LEMD3: variants seen among roughly 807,000 people sequenced by gnomAD.
LEMD3 encodes inner nuclear membrane protein Man1.
A neutral mutation model predicts 95.2 loss-of-function variants in LEMD3; 33 were observed. That is an observed-to-expected ratio of 0.35 (90% CI 0.26 to 0.46). The LOEUF (loss-of-function observed/expected upper bound fraction) is 0.46, where lower values mean the gene tolerates loss of function less well. Among genes scored for constraint, LEMD3 ranks in the 20% least tolerant of loss-of-function variants. The pLI is 1.00. For synonymous variants in LEMD3, 525 were observed against 474.6 expected (o/e 1.11, Z -1.38); for missense variants, 1,210 against 1,192.8 (o/e 1.01, Z -0.21).
intron 1 of LEMD3, among the ~76,000 whole-genome samples, chr12:65,181,286 AC>A (rs1283093609): frequency 5.3e-5 from 8 of 152,244 alleles, no homozygotes; most frequent in Non-Finnish European, 7.4e-5. Context: ...ATTTGAAGAA[AC>A]ATTAAGTTTC....
chr12:65,235,198 G>C (rs1870739241), intron 4 of LEMD3, among the ~76,000 whole-genome samples: 1 of 152,040 alleles, frequency 6.6e-6, no homozygotes, highest in African/African-American at 2.4e-5. Flanking sequence ...ACATTACAAA[G>C]AAGACTAAAT....
rs193083092 is a variant in LEMD3 at position 65,219,893 on chromosome 12, T to A, written c.1695+1274T>A. 2.4e-3 allele frequency among the ~76,000 whole-genome samples: 358 copies of A among 152,338 alleles called. 2 individuals are homozygous for A. The highest frequency in any genetic ancestry group is 8.2e-3 in the African/African-American group (342 of 41,580). The stretch of plus-strand genomic sequence containing the variant: ...ACATGACAGTACTTCCTTCATTTTT[T>A]AAGGCTGAGTAGAATTTCATTGTAT... On this transcript the variant is annotated intron_variant, in intron 4 of 12. Coordinates refer to ENST00000308330, the MANE Select transcript of LEMD3 (RefSeq NM_014319.5).
intron 1 of LEMD3, among the ~76,000 whole-genome samples, chr12:65,188,129 T>A (rs1592434667): frequency 1.3e-5 from 2 of 152,036 alleles, no homozygotes; most frequent in South Asian, 4.1e-4. Flanking sequence ...GCATTTAGAG[T>A]CTACAGTAGG....
At chr12:65,175,663 G>C (rs866849977) in intron 1 of LEMD3, among the ~76,000 whole-genome samples, 5 of 152,104 alleles carry the variant, frequency 3.3e-5, no homozygotes, top group Non-Finnish European at 5.9e-5. Flanking sequence ...TCCACAACTT[G>C]ATCTTTGGCT....
chr12:65,244,649 T>C (rs1040281504), intron 10 of LEMD3, among the ~76,000 whole-genome samples: 2 of 152,146 alleles, frequency 1.3e-5, no homozygotes, highest in Non-Finnish European at 2.9e-5. Flanking sequence ...TCATTACAAT[T>C]AAAGAAAATA....
In LEMD3 at chr12:65,169,987, G is replaced by A. The variant is rs1454800295; in HGVS notation, c.391G>A (p.Ala131Thr). The change falls in exon 1 of 13, where the codon GCT becomes ACT. Residue 131 changes from alanine (A) to threonine (T), a missense_variant. By Grantham distance (58) the Ala-to-Thr change is moderately conservative (BLOSUM62 0). This residue lies in a region of LEMD3 where 749 missense variants were observed against 622.9 expected (regional missense o/e 1.20). Transcript: ENST00000308330. ...GPGGASAAPA[A>T]GSKVLLGFSS... ...CGGGGGCGCCTCCGCCGCCCCCGCG[G>A]CTGGCAGCAAAGTGCTGCTGGGCTT... 27 of 1,473,626 alleles carry A rather than the reference G, an allele frequency of 1.8e-5. No individual in the cohort carries two copies. Among genetic ancestry groups the A allele is most frequent in the East Asian group, 2.6e-5 (1 of 38,080 alleles). 91.3% of individuals were successfully genotyped at this position (1,473,626 alleles called of 1,614,324 possible).
intron 1 of LEMD3, among the ~76,000 whole-genome samples, chr12:65,180,812 A>C (rs1868878324): frequency 6.6e-6 from 1 of 152,208 alleles, no homozygotes; most frequent in South Asian, 2.1e-4. Flanking sequence ...AAAACTATGC[A>C]AGAGTGTAGT....
chr12:65,209,153 A>G (rs1869853852), intron 1 of LEMD3, among the ~76,000 whole-genome samples: 1 of 152,170 alleles, frequency 6.6e-6, no homozygotes, highest in Non-Finnish European at 1.5e-5. Context: ...GCACATGTGT[A>G]TAACACACGC....
At chr12:65,229,499 A>G (rs139485462) in intron 4 of LEMD3, among the ~76,000 whole-genome samples, 2 of 152,282 alleles carry the variant, frequency 1.3e-5, no homozygotes, top group East Asian at 1.9e-4. Flanking sequence ...ATTCCCACCA[A>G]CAGTGGATAA....
At position 65,206,673 on chromosome 12, in the gene LEMD3, G is replaced by A. The variant is rs181159333; in HGVS notation, c.1523-4253G>A. Among the ~76,000 whole-genome samples, 10 of 152,054 alleles carry A rather than the reference G, an allele frequency of 6.6e-5. No individual in the cohort carries two copies. The East Asian group carries it at 1.7e-3, about 26-fold the overall frequency. ...GAATAATCATGTCCATGGAAATCAC[G>A]GGATACTTTATATTTTTATGTATCA... On this transcript the variant is annotated intron_variant, in intron 1 of 12. Transcript: ENST00000308330.
rs141028982 is a variant in LEMD3 at position 65,207,182 on chromosome 12, C to T, written c.1523-3744C>T. Among the ~76,000 whole-genome samples, 6 of 152,218 alleles carry T rather than the reference C, an allele frequency of 3.9e-5. No homozygotes were observed. In the East Asian group the frequency reaches 1.2e-3, roughly 29 times the overall value. On this transcript the variant is annotated intron_variant, in intron 1 of 12. Transcript: ENST00000308330. Reference sequence around the variant, plus strand: ...TTAGGAACTCAGTAAACATAATTTCCTTTTTATTCAACGGAGAGGGTTGTA... The same window carrying T: ...TTAGGAACTCAGTAAACATAATTTCTTTTTTATTCAACGGAGAGGGTTGTA...
intron 1 of LEMD3, among the ~76,000 whole-genome samples, chr12:65,187,148 A>G (rs189891391): frequency 1.3e-5 from 2 of 152,228 alleles, no homozygotes; most frequent in East Asian, 3.9e-4. Context: ...TTAGGATTTA[A>G]AAGGGTTTTA....
intron 1 of LEMD3, among the ~76,000 whole-genome samples, chr12:65,193,622 G>T (rs1869313439): frequency 6.6e-6 from 1 of 152,096 alleles, no homozygotes; most frequent in Admixed American, 6.6e-5. Flanking sequence ...AATTTCAGGT[G>T]TTTCTGTTTA....
intron 1 of LEMD3, among the ~76,000 whole-genome samples, chr12:65,193,049 A>T (rs1038198123): frequency 3.3e-5 from 5 of 152,192 alleles, no homozygotes; most frequent in Non-Finnish European, 5.9e-5. Flanking sequence ...GCTGTATAAT[A>T]CATGATGCTG....
At chr12:65,227,237 G>C (rs1329754533) in intron 4 of LEMD3, among the ~76,000 whole-genome samples, 3 of 152,102 alleles carry the variant, frequency 2.0e-5, no homozygotes, top group African/African-American at 4.8e-5. Flanking sequence ...TAATTGAATG[G>C]GTTTTCACTT....
intron 1 of LEMD3, among the ~76,000 whole-genome samples, chr12:65,199,992 A>G (rs973988463): frequency 1.3e-5 from 2 of 151,778 alleles, no homozygotes; most frequent in Non-Finnish European, 2.9e-5. Flanking sequence ...GGAAAACCCC[A>G]ACTTTCCATG....
At chr12:65,211,308 G>A (rs1202093995) in intron 2 of LEMD3, among the ~76,000 whole-genome samples, 2 of 152,126 alleles carry the variant, frequency 1.3e-5, no homozygotes, top group African/African-American at 4.8e-5. Context: ...CCTGTTGCCT[G>A]TAGTTGTTGG....
chr12:65,196,734 G>T (rs1869443851), intron 1 of LEMD3, among the ~76,000 whole-genome samples: 1 of 152,032 alleles, frequency 6.6e-6, no homozygotes, highest in African/African-American at 2.4e-5. Flanking sequence ...ACCTGAGAGG[G>T]ACCTACCAAT....
chr12:65,213,087 A>AAGATAGATAGATAGATAGATAGATAGAT (rs147534273), intron 2 of LEMD3, among the ~76,000 whole-genome samples: 31 of 151,896 alleles, frequency 2.0e-4, no homozygotes, highest in African/African-American at 7.0e-4. Context: ...CAAGACTGTA[A>AAGATAGATAGATAGATAGATAGATAGAT]AGATAGATAG....
Sources: allele counts gnomAD v4.1 joint callset (sites outside exome capture counted in the v4.1 genomes callset), GRCh38; gene constraint gnomAD v4.1.1; regional missense constraint gnomAD v4.1.1; transcripts MANE v1.5; gene names NCBI Gene and HGNC (gene_info 2026-07-23, HGNC 2026-07-21).